The following ARMC8 variants were observed in gnomAD, a reference collection of about 807,000 sequenced individuals.
ARMC8 encodes armadillo repeat containing 8.
In ARMC8, 20 loss-of-function variants were observed where a neutral mutation model predicts 99.3. The observed-to-expected ratio is 0.20, with a 90% confidence interval of 0.14 to 0.29. The LOEUF is 0.29. ARMC8 is among the 10% of genes least tolerant of loss of function. The pLI is 1.00. For synonymous variants in ARMC8, 263 were observed against 278.3 expected, an observed-to-expected ratio of 0.95 and a Z score of 0.55; for missense variants, 569 against 809.5, an observed-to-expected ratio of 0.70 and a Z score of 3.60.
chr3:138,243,658 A>G (rs899514420), intron 11 of ARMC8, among the ~76,000 whole-genome samples: 7 of 152,114 alleles, frequency 4.6e-5, no homozygotes, highest in Non-Finnish European at 8.8e-5. Flanking sequence ...TAAAATATAT[A>G]TATTGTCTTT....
At chr3:138,245,244 A>T (rs770228874) in intron 12 of ARMC8, 61 bp downstream of exon 12, 3 of 1,614,194 alleles carry the variant, frequency 1.9e-6, no homozygotes. Context: ...AGTGACGTCA[A>T]CCTGAAAGTC....
At chr3:138,240,947 G>A (rs2108171968) in intron 10 of ARMC8, among the ~76,000 whole-genome samples, 1 of 152,302 alleles carries the variant, frequency 6.6e-6, no homozygotes, top group South Asian at 2.1e-4. Flanking sequence ...CTACTCAGAA[G>A]GCTGAGGCAG....
At chr3:138,221,773 C>T (rs2108076145) in intron 2 of ARMC8, among the ~76,000 whole-genome samples, 153 bp from the exon 3 acceptor site, 1 of 152,286 alleles carries the variant, frequency 6.6e-6, no homozygotes, top group Middle Eastern at 3.4e-3. Flanking sequence ...TCACTCTGCA[C>T]CTATCTCTAT....
chr3:138,238,428 C>G (rs541570118), intron 9 of ARMC8: 1 of 152,118 alleles, frequency 6.6e-6, no homozygotes, highest in Non-Finnish European at 1.5e-5. Context: ...CTGTAATTAT[C>G]AATACATGAA....
intron 1 of ARMC8, among the ~76,000 whole-genome samples, chr3:138,190,619 A>C (rs906434610): frequency 1.3e-5 from 2 of 152,188 alleles, no homozygotes; most frequent in Admixed American, 6.5e-5. Context: ...TGAACCTGCT[A>C]TCCTGTATAA....
At chr3:138,265,666 G>A (rs763763000) in intron 14 of ARMC8, among the ~76,000 whole-genome samples, 1 of 152,202 alleles carries the variant, frequency 6.6e-6, no homozygotes, top group Non-Finnish European at 1.5e-5. Context: ...ATAGCATGAG[G>A]AGAAACATTA....
Position 138,284,451 on chromosome 3 carries a change from C to T in ARMC8, c.1746C>T (p.Asn582=). 2 of 1,613,550 alleles carry T rather than the reference C, an allele frequency of 1.2e-6. No individual in the cohort carries two copies. Among genetic ancestry groups the T allele is most frequent in the Non-Finnish European group, 1.7e-6 (2 of 1,179,524 alleles). Residue 582 remains asparagine, a synonymous_variant, in exon 19 of 22, where the codon AAC becomes AAT. Coordinates refer to ENST00000469044, the MANE Select transcript of ARMC8 (RefSeq NM_001363941.2). ...TCCAGACACTGTGCATCTTAGCCAA[C>T]ATAGCGGATGGGACAACAGCAAAAG... The part of the protein sequence containing the change: ...VKEQTLCILA[N]IADGTTAKDL...
chr3:138,213,395 A>G (rs756390521), intron 2 of ARMC8, among the ~76,000 whole-genome samples: 23 of 152,348 alleles, frequency 1.5e-4, no homozygotes, highest in Admixed American at 3.9e-4. Flanking sequence ...TAGTAGCACA[A>G]TAGTTAGCAT....
chr3:138,278,235 C>T (rs145048488), intron 18 of ARMC8, among the ~76,000 whole-genome samples: 13 of 152,192 alleles, frequency 8.5e-5, no homozygotes, highest in Middle Eastern at 3.4e-3. Flanking sequence ...AGGCCAGGCA[C>T]GGTGGCTCAC....
intron 6 of ARMC8, among the ~76,000 whole-genome samples, chr3:138,233,962 A>G (rs1433187818): frequency 6.6e-6 from 1 of 152,206 alleles, no homozygotes; most frequent in African/African-American, 2.4e-5. Flanking sequence ...GCAAATTTGA[A>G]GCTTTGCATT....
At chr3:138,201,626 T>C (rs1201670741) in intron 1 of ARMC8, among the ~76,000 whole-genome samples, 2 of 151,790 alleles carry the variant, frequency 1.3e-5, no homozygotes, top group Admixed American at 6.6e-5. Context: ...CACACCCGGC[T>C]AATTTTTGTA....
intron 7 of ARMC8, among the ~76,000 whole-genome samples, chr3:138,235,739 G>C (rs2046296032): frequency 6.6e-6 from 1 of 151,868 alleles, no homozygotes; most frequent in Non-Finnish European, 1.5e-5. Context: ...TTGCAGAACA[G>C]GGAAGCAGTC....
intron 1 of ARMC8, among the ~76,000 whole-genome samples, chr3:138,191,920 G>C (rs2043408173): frequency 6.6e-6 from 1 of 152,308 alleles, no homozygotes; most frequent in East Asian, 1.9e-4. Flanking sequence ...CGTTTTGGTT[G>C]CTTCTAGTTT....
chr3:138,283,002 C>A (rs2050084318), intron 18 of ARMC8, among the ~76,000 whole-genome samples: 1 of 152,228 alleles, frequency 6.6e-6, no homozygotes, highest in Non-Finnish European at 1.5e-5. Context: ...CAGATCAGAT[C>A]ATGTCTGTCC....
intron 12 of ARMC8, among the ~76,000 whole-genome samples, chr3:138,259,653 A>G (rs1407888259): frequency 1.3e-5 from 2 of 152,186 alleles, no homozygotes; most frequent in African/African-American, 4.8e-5. Context: ...CTGTTAGACT[A>G]TGATCTAAGA....
At chr3:138,197,383 G>C (rs1332763834) in intron 1 of ARMC8, among the ~76,000 whole-genome samples, 3 of 152,222 alleles carry the variant, frequency 2.0e-5, no homozygotes, top group Non-Finnish European at 4.4e-5. Context: ...CGCCTGGCCT[G>C]TCTGAACAAT....
At chr3:138,188,555 C>T in intron 1 of ARMC8, 1 of 1,613,908 alleles carries the variant, frequency 6.2e-7, no homozygotes, top group Non-Finnish European at 8.5e-7. Context: ...GGTTCATTTG[C>T]TATTGTTGGA....
At chr3:138,234,387 G>C (rs1399014568) in intron 6 of ARMC8, among the ~76,000 whole-genome samples, 2 of 152,158 alleles carry the variant, frequency 1.3e-5, no homozygotes, top group African/African-American at 4.8e-5. Flanking sequence ...TGGGATTACA[G>C]GTGTGAGCCA....
intron 9 of ARMC8, chr3:138,238,256 C>A (rs528254995): frequency 2.6e-5 from 4 of 152,020 alleles, no homozygotes; most frequent in Admixed American, 2.6e-4. Context: ...TTAGTAGAGA[C>A]GGGTTTCACC....
Sources: allele counts gnomAD v4.1 joint callset (sites outside exome capture counted in the v4.1 genomes callset), GRCh38; gene constraint gnomAD v4.1.1; transcripts MANE v1.5; gene names NCBI Gene and HGNC (gene_info 2026-07-23, HGNC 2026-07-21).